The following KCNQ3 variants were observed in gnomAD, a reference collection of about 807,000 sequenced individuals.
KCNQ3 encodes potassium voltage-gated channel subfamily KQT member 3.
In KCNQ3, 30 loss-of-function variants were observed where a neutral mutation model predicts 92.5. The ratio of observed to expected loss-of-function variants is 0.32; its 90% CI spans 0.24 to 0.44. KCNQ3 has a LOEUF of 0.44. Among genes scored for constraint, KCNQ3 ranks in the 20% least tolerant of loss-of-function variants. The pLI, the probability that KCNQ3 is intolerant of heterozygous loss-of-function variation, is 1.00. For missense variants in KCNQ3, 913 were observed against 1,140.3 expected, an observed-to-expected ratio of 0.80 and a Z score of 2.87; for synonymous variants, 450 against 468.8, an observed-to-expected ratio of 0.96 and a Z score of 0.52.
chr8:132,462,686 CT>C (rs1822089395), intron 1 of KCNQ3, among the ~76,000 whole-genome samples: 1 of 152,146 alleles, frequency 6.6e-6, no homozygotes, highest in Admixed American at 6.6e-5. Flanking sequence ...AAGTCAGATA[CT>C]TTTACTGAGG....
intron 1 of KCNQ3, among the ~76,000 whole-genome samples, chr8:132,202,142 C>G (rs1487109389): frequency 6.6e-6 from 1 of 152,064 alleles, no homozygotes; most frequent in African/African-American, 2.4e-5. Flanking sequence ...CTTTGGGGAG[C>G]AGAGACCTAA....
chr8:132,411,779 G>A (rs538899066), intron 1 of KCNQ3, among the ~76,000 whole-genome samples: 26 of 152,286 alleles, frequency 1.7e-4, no homozygotes, highest in Admixed American at 1.4e-3. Context: ...ACAACTGAGG[G>A]ACTTTTCATT....
At chr8:132,372,135 G>C (rs1226570904) in intron 1 of KCNQ3, among the ~76,000 whole-genome samples, 1 of 152,062 alleles carries the variant, frequency 6.6e-6, no homozygotes, top group African/African-American at 2.4e-5. Flanking sequence ...TCTCCAGCAG[G>C]GGAACATCCG....
intron 1 of KCNQ3, among the ~76,000 whole-genome samples, chr8:132,282,152 A>G (rs1444944125): frequency 6.6e-6 from 1 of 152,160 alleles, no homozygotes; most frequent in African/African-American, 2.4e-5. Flanking sequence ...ACACCATGAG[A>G]TAAAGAACTG....
intron 1 of KCNQ3, among the ~76,000 whole-genome samples, chr8:132,404,870 T>C (rs1586991069): frequency 6.6e-6 from 1 of 152,196 alleles, no homozygotes; most frequent in Admixed American, 6.5e-5. Context: ...ATAACCCCAT[T>C]GTCCTGATTT....
At chr8:132,285,646 G>A (rs1405170491) in intron 1 of KCNQ3, among the ~76,000 whole-genome samples, 1 of 152,244 alleles carries the variant, frequency 6.6e-6, no homozygotes, top group Non-Finnish European at 1.5e-5. Context: ...TCTTCAGGAG[G>A]AAATCAAGGG....
intron 8 of KCNQ3, among the ~76,000 whole-genome samples, chr8:132,166,590 C>A (rs1346257943): frequency 6.6e-6 from 1 of 152,096 alleles, no homozygotes; most frequent in Non-Finnish European, 1.5e-5. Context: ...TCTGGGGGCT[C>A]TCAGGTTTTT....
intron 1 of KCNQ3, among the ~76,000 whole-genome samples, chr8:132,409,332 GAC>G (rs1438674629): frequency 6.6e-6 from 1 of 152,054 alleles, no homozygotes; most frequent in Non-Finnish European, 1.5e-5. Context: ...GACCCAAGGT[GAC>G]ACAGATACAG....
intron 1 of KCNQ3, among the ~76,000 whole-genome samples, chr8:132,471,863 C>T (rs1472418613): frequency 6.6e-6 from 1 of 152,048 alleles, no homozygotes; most frequent in African/African-American, 2.4e-5. Flanking sequence ...AAATTGAAAA[C>T]TATTCATCGA....
chr8:132,207,798 C>A (rs532334918), intron 1 of KCNQ3, among the ~76,000 whole-genome samples: 1 of 151,702 alleles, frequency 6.6e-6, no homozygotes, highest in Non-Finnish European at 1.5e-5. Context: ...AGATCTGAGT[C>A]CTGTGATGTT....
chr8:132,332,954 A>C (rs1818269233), intron 1 of KCNQ3, among the ~76,000 whole-genome samples: 1 of 152,202 alleles, frequency 6.6e-6, no homozygotes, highest in Non-Finnish European at 1.5e-5. Context: ...AGTTCTGGGA[A>C]GGACCCATGG....
intron 1 of KCNQ3, among the ~76,000 whole-genome samples, chr8:132,256,083 C>T (rs1186988168): frequency 6.6e-6 from 1 of 152,030 alleles, no homozygotes; most frequent in African/African-American, 2.4e-5. Context: ...TACTATCTTA[C>T]ATATGTCCAA....
intron 1 of KCNQ3, among the ~76,000 whole-genome samples, chr8:132,469,436 T>A (rs1289560198): frequency 6.6e-6 from 1 of 152,202 alleles, no homozygotes; most frequent in African/African-American, 2.4e-5. Flanking sequence ...TTTTGCAGAC[T>A]GTATGGTAAG....
intron 1 of KCNQ3, among the ~76,000 whole-genome samples, chr8:132,333,718 GAA>G (rs1818292287): frequency 6.7e-6 from 1 of 149,316 alleles, no homozygotes; most frequent in Non-Finnish European, 1.5e-5. Context: ...ATGTTACTGT[GAA>G]CTCTTTATGA....
chr8:132,253,061 T>G (rs1039944922), intron 1 of KCNQ3, among the ~76,000 whole-genome samples: 1 of 152,244 alleles, frequency 6.6e-6, no homozygotes, highest in Non-Finnish European at 1.5e-5. Context: ...GAGAGGATTT[T>G]ACAACGGCAC....
At chr8:132,252,519 A>G (rs760697793) in intron 1 of KCNQ3, among the ~76,000 whole-genome samples, 2 of 152,204 alleles carry the variant, frequency 1.3e-5, no homozygotes, top group Non-Finnish European at 2.9e-5. Flanking sequence ...AGCAGCAGCA[A>G]GATATACTGT....
chr8:132,303,843 ATAT>A (rs1266731105), intron 1 of KCNQ3, among the ~76,000 whole-genome samples: 38 of 150,106 alleles, frequency 2.5e-4, no homozygotes, highest in African/African-American at 6.6e-4. Context: ...CACACAGAAA[ATAT>A]TATATGTGTA....
At position 132,317,334 on chromosome 8, in the gene KCNQ3, A is replaced by C. The variant is rs191814702; in HGVS notation, c.387-131153T>G. On this transcript the variant is annotated intron_variant, in intron 1 of 14. Coordinates refer to ENST00000388996, the MANE Select transcript of KCNQ3 (RefSeq NM_004519.4). ...TATTTTTCTTAAAACATGCCTAAAA[A>C]CCATCAATTTTCATGCAGAATTTTT... Among the ~76,000 whole-genome samples the C allele has an allele frequency of 7.3e-4, 111 of 152,212 alleles. 1 individual carries two copies. The East Asian group carries it at 0.02, about 28-fold the overall frequency.
intron 1 of KCNQ3, among the ~76,000 whole-genome samples, chr8:132,208,070 A>G (rs1290585445): frequency 6.6e-6 from 1 of 151,958 alleles, no homozygotes; most frequent in Admixed American, 6.6e-5. Context: ...CTCCATGTTC[A>G]TCTCTAAATG....
Sources: allele counts gnomAD v4.1 joint callset (sites outside exome capture counted in the v4.1 genomes callset), GRCh38; gene constraint gnomAD v4.1.1; transcripts MANE v1.5; gene names NCBI Gene and HGNC (gene_info 2026-07-23, HGNC 2026-07-21).